Variants in VWC2L observed in about 807,000 individuals in gnomAD.
The protein encoded by VWC2L is von Willebrand factor C domain containing 2 like, also known as von Willebrand factor C domain-containing protein 2-like.
VWC2L carries 10 observed loss-of-function variants against 21.6 expected under a neutral mutation model. The ratio of observed to expected loss-of-function variants is 0.46; its 90% CI spans 0.29 to 0.78. VWC2L has a LOEUF of 0.78. VWC2L is among the 30% of genes least tolerant of loss of function. The probability of loss-of-function intolerance (pLI) is 0.10; values close to 1 mark genes in which losing one functional copy is unlikely to be tolerated. For missense variants in VWC2L, 209 were observed against 277.1 expected (o/e 0.75, Z 1.74); for synonymous variants, 96 against 94.3 (o/e 1.02, Z -0.10).
intron 3 of VWC2L, among the ~76,000 whole-genome samples, chr2:214,503,632 A>G (rs1025765826): frequency 1.3e-5 from 2 of 152,102 alleles, no homozygotes; most frequent in Non-Finnish European, 2.9e-5. Flanking sequence ...GAGTAGGGCT[A>G]GAATAAATCT....
rs780695908 is a variant in VWC2L, at chr2:214,414,245, T to A, written c.52T>A (p.Leu18Met). 12 of 1,613,696 alleles carry A rather than the reference T, an allele frequency of 7.4e-6. No individual in the cohort carries two copies. Among genetic ancestry groups the A allele is most frequent in the Non-Finnish European group, 5.9e-6 (7 of 1,179,806 alleles). Residue 18 changes from leucine (L) to methionine (M), a missense_variant, in exon 2 of 4, where the codon TTG (leucine) becomes ATG (methionine). By Grantham distance (15) the Leu-to-Met change is conservative. Transcript: ENST00000312504. ...ACILLLVIPG[L>M]VTSAAISHED... ...CATACTTCTGTTGGTCATCCCTGGA[T>A]TGGTCACCTCTGCTGCTATCAGTCA...
At chr2:214,475,656 T>C (rs1688504823) in intron 3 of VWC2L, among the ~76,000 whole-genome samples, 1 of 152,082 alleles carries the variant, frequency 6.6e-6, no homozygotes, top group African/African-American at 2.4e-5. Flanking sequence ...CATGTAAGAA[T>C]GTGAAACTGA....
At position 214,552,835 on chromosome 2, in the gene VWC2L, G is replaced by T. The variant is rs547501546; in HGVS notation, c.521-22837G>T. On this transcript the variant is annotated intron_variant, in intron 3 of 3. Transcript: ENST00000312504. Reference sequence around the variant, plus strand: ...GAGATCTCAACCCTCATATTCGACTGCTTAATTTAAGCTTTCCACTTGTAA... The same window carrying T: ...GAGATCTCAACCCTCATATTCGACTTCTTAATTTAAGCTTTCCACTTGTAA... Among the ~76,000 whole-genome samples the T allele has an allele frequency of 1.2e-4, 18 of 152,198 alleles. 1 individual carries two copies. The highest frequency in any genetic ancestry group is 4.1e-4 in the African/African-American group (17 of 41,536).
At chr2:214,495,174 T>A (rs1326523556) in intron 3 of VWC2L, among the ~76,000 whole-genome samples, 1 of 152,162 alleles carries the variant, frequency 6.6e-6, no homozygotes, top group Non-Finnish European at 1.5e-5. Flanking sequence ...TACTCTCTCC[T>A]CCCACTGTAA....
At position 214,569,537 on chromosome 2, in the gene VWC2L, T is replaced by C. The variant is rs148720251; in HGVS notation, c.521-6135T>C. 7.9e-5 allele frequency among the ~76,000 whole-genome samples: 12 copies of C among 152,318 alleles called. No homozygotes were observed. The East Asian group carries it at 2.3e-3, about 29-fold the overall frequency. ...CCAGTTTCAAGCTATCAAAATAGTGTCAATGACGTTATAAGATTCCTGAAG... is the reference window on the plus strand; with the variant it reads ...CCAGTTTCAAGCTATCAAAATAGTGCCAATGACGTTATAAGATTCCTGAAG... On this transcript the variant is annotated intron_variant, in intron 3 of 3. Coordinates refer to ENST00000312504, the MANE Select transcript of VWC2L (RefSeq NM_001080500.4).
At chr2:214,525,852 T>C (rs1559318949) in intron 3 of VWC2L, among the ~76,000 whole-genome samples, 1 of 152,206 alleles carries the variant, frequency 6.6e-6, no homozygotes, top group African/African-American at 2.4e-5. Flanking sequence ...TGAGTGTGGT[T>C]TGAGCAAGTT....
chr2:214,472,679 G>C (rs4511718), intron 3 of VWC2L, among the ~76,000 whole-genome samples: 138,340 of 152,294 alleles, frequency 0.91, 63,993 homozygotes, highest in South Asian at 1. Flanking sequence ...GATTGGCATA[G>C]CATGTCACCA....
rs1440872547 is a variant in VWC2L, at chr2:214,411,407, CAT to C, written c.-459_-458del. On this transcript the variant is annotated 5_prime_UTR_variant, in exon 1 of 4. An upstream start codon of the reference 5' UTR is lost. Coordinates refer to ENST00000312504, the MANE Select transcript of VWC2L (RefSeq NM_001080500.4). ...GTAGCAAACACTGTGTAAGTGAACTCATGTGTGGAGGAGGCGTAATCAGCCGG... is the reference window on the plus strand; with the variant it reads ...GTAGCAAACACTGTGTAAGTGAACTCGTGTGGAGGAGGCGTAATCAGCCGG... The C allele has an allele frequency of 1.3e-5, 2 of 152,150 alleles. No homozygotes were observed. The highest frequency in any genetic ancestry group is 6.6e-5 in the Admixed American group (1 of 15,266). The allele number at this position is 152,150 out of a possible 1,614,324, so 9.4% of individuals were successfully genotyped here.
At chr2:214,523,436 G>A (rs1689276550) in intron 3 of VWC2L, among the ~76,000 whole-genome samples, 1 of 152,166 alleles carries the variant, frequency 6.6e-6, no homozygotes, top group South Asian at 2.1e-4. Context: ...AGAAAGGAAA[G>A]TATTTTAGAA....
At chr2:214,449,840 G>A (rs1307577114) in intron 3 of VWC2L, among the ~76,000 whole-genome samples, 4 of 152,166 alleles carry the variant, frequency 2.6e-5, no homozygotes, top group South Asian at 4.1e-4. Flanking sequence ...CTGTTTGTCA[G>A]GGTGGATAAC....
intron 3 of VWC2L, among the ~76,000 whole-genome samples, chr2:214,558,167 A>T (rs1057075130): frequency 3.3e-5 from 5 of 152,128 alleles, no homozygotes; most frequent in African/African-American, 1.2e-4. Flanking sequence ...CTCTGCTATC[A>T]TGTATTGCTA....
intron 3 of VWC2L, among the ~76,000 whole-genome samples, chr2:214,498,487 C>A (rs1688842165): frequency 1.3e-5 from 2 of 151,952 alleles, no homozygotes; most frequent in African/African-American, 4.8e-5. Flanking sequence ...CTCAATATTT[C>A]TTTTTCTTAA....
chr2:214,505,801 T>A (rs1272278018), intron 3 of VWC2L, among the ~76,000 whole-genome samples: 1 of 152,072 alleles, frequency 6.6e-6, no homozygotes, highest in African/African-American at 2.4e-5. Context: ...AAAGGACAGA[T>A]AAAGGTATAA....
At chr2:214,461,550 G>A (rs752735017) in intron 3 of VWC2L, among the ~76,000 whole-genome samples, 16 of 152,110 alleles carry the variant, frequency 1.1e-4, no homozygotes, top group Non-Finnish European at 1.6e-4. Flanking sequence ...ACCAGTGGCA[G>A]GTGTTCCAGA....
chr2:214,504,835 G>A (rs145296797), intron 3 of VWC2L, among the ~76,000 whole-genome samples: 1 of 152,190 alleles, frequency 6.6e-6, no homozygotes, highest in African/African-American at 2.4e-5. Flanking sequence ...CAATCAGAGA[G>A]AGATTAAGTA....
At chr2:214,461,037 T>C (rs1458879299) in intron 3 of VWC2L, among the ~76,000 whole-genome samples, 2 of 152,304 alleles carry the variant, frequency 1.3e-5, no homozygotes, top group African/African-American at 2.4e-5. Context: ...GCTTAAGTGG[T>C]ATGTATAATT....
chr2:214,520,058 T>C (rs200942105), intron 3 of VWC2L, among the ~76,000 whole-genome samples: 12 of 143,150 alleles, frequency 8.4e-5, no homozygotes, highest in Non-Finnish European at 1.5e-4. Context: ...GCTCCTGTTA[T>C]ACACACACAC....
intron 3 of VWC2L, among the ~76,000 whole-genome samples, chr2:214,510,600 A>G (rs1332220908): frequency 3.3e-5 from 5 of 152,194 alleles, no homozygotes; most frequent in Admixed American, 3.3e-4. Flanking sequence ...TCAATCTAAT[A>G]TCAAATACTG....
At chr2:214,571,565 T>C (rs1690149835) in intron 3 of VWC2L, among the ~76,000 whole-genome samples, 1 of 152,168 alleles carries the variant, frequency 6.6e-6, no homozygotes, top group Non-Finnish European at 1.5e-5. Flanking sequence ...ATATAATTAG[T>C]TTATACTATT....
Sources: gnomAD v4.1 joint callset for allele counts (sites outside exome capture counted in the v4.1 genomes callset) on GRCh38, gnomAD v4.1.1 for gene constraint, MANE v1.5 for transcripts, NCBI Gene and HGNC (gene_info 2026-07-23, HGNC 2026-07-21) for gene names.